RCHY1: variants seen among roughly 807,000 people sequenced by gnomAD.
RCHY1 encodes the protein RING finger and CHY zinc finger domain-containing protein 1.
Under a neutral mutation model 41.6 loss-of-function variants are expected in RCHY1, and 21 were observed. That is an observed-to-expected ratio of 0.51 (90% confidence interval 0.36 to 0.73). RCHY1 has a LOEUF of 0.73. Ranked by LOEUF, RCHY1 falls within the 30% of genes least tolerant of loss-of-function variation. The pLI is 0.00. For synonymous variants in RCHY1, 79 were observed against 102.9 expected, an observed-to-expected ratio of 0.77 and a Z score of 1.41; for missense variants, 265 against 325.3, an observed-to-expected ratio of 0.81 and a Z score of 1.43.
intron 1 of RCHY1, 174 bp downstream of exon 1, chr4:75,514,023 G>A (rs1217580949): frequency 1.1e-5 from 11 of 960,428 alleles, no homozygotes; most frequent in Admixed American, 5.9e-5. Flanking sequence ...GGAAAGGTGG[G>A]GCTTATCGCC....
rs1553917624 is a variant in RCHY1 at position 75,487,667 on chromosome 4, C to CATAAT, written c.657+2913_657+2914insATTAT. Among the ~76,000 whole-genome samples the CATAAT allele has an allele frequency of 5.2e-5, 2 of 38,456 alleles. 1 individual carries two copies. Among genetic ancestry groups the CATAAT allele is most frequent in the African/African-American group, 3.0e-4 (2 of 6,606 alleles). 25.2% of individuals were successfully genotyped at this position (38,456 alleles called of 152,430 possible). Reference sequence around the variant, plus strand: ...CATATATATTCATAATATATATATTCATATATATTCATAATATATATATTC... The same window carrying CATAAT: ...CATATATATTCATAATATATATATTCATAATATATATATTCATAATATATATATTC... On this transcript the variant is annotated intron_variant, in intron 8 of 8. Transcript: ENST00000324439.
At chr4:75,487,300 AAAG>A (rs2148713199) in intron 8 of RCHY1, among the ~76,000 whole-genome samples, 1 of 151,352 alleles carries the variant, frequency 6.6e-6, no homozygotes, top group Non-Finnish European at 1.5e-5. Flanking sequence ...CAAACAATAA[AAAG>A]AGGAGACAAG....
At chr4:75,509,467 T>A in intron 1 of RCHY1, 171 bp from the exon 2 acceptor site, 2 of 567,830 alleles carry the variant, frequency 3.5e-6, no homozygotes, top group Admixed American at 6.3e-5. Flanking sequence ...TCTTGGCATA[T>A]TTTATGTTAA....
chr4:75,514,475 A>T (rs1578252274), upstream of RCHY1: 1 of 570,460 alleles, frequency 1.8e-6, no homozygotes. Context: ...GCGAAGGCAG[A>T]CGCAGTCTCC....
chr4:75,506,118 G>T (rs1262743032), intron 3 of RCHY1, among the ~76,000 whole-genome samples: 1 of 97,924 alleles, frequency 1.0e-5, no homozygotes, highest in Non-Finnish European at 2.2e-5. Context: ...AAAAAAAATA[G>T]AACAGGACAT....
chr4:75,505,884 T>C (rs181739898), intron 3 of RCHY1, among the ~76,000 whole-genome samples: 1 of 152,252 alleles, frequency 6.6e-6, no homozygotes, highest in East Asian at 1.9e-4. Context: ...GGGAGATTTT[T>C]AGACCCTAAA....
chr4:75,509,072 T>C, intron 2 of RCHY1, 105 bp downstream of exon 2: 1 of 1,257,754 alleles, frequency 8.0e-7, no homozygotes. Context: ...ATATTGCTTA[T>C]TCTAGAAGTT....
Position 75,481,806 on chromosome 4 carries a change from G to A in RCHY1, c.*732C>T, listed in dbSNP as rs1045057363. 6.6e-6 allele frequency: 1 copy of A among 151,856 alleles called. No individual in the cohort carries two copies. Among genetic ancestry groups the A allele is most frequent in the Non-Finnish European group, 1.5e-5 (1 of 67,976 alleles). 9.4% of individuals were successfully genotyped at this position (151,856 alleles called of 1,614,324 possible). On this transcript the variant is annotated 3_prime_UTR_variant, in exon 9 of 9. Coordinates refer to ENST00000324439, the MANE Select transcript of RCHY1 (RefSeq NM_015436.4). ...ATGACTCTTTGAAGAAATAATTTTGGGCAACCTAAAAAAAACTGTTTTCAA... is the reference window on the plus strand; with the variant it reads ...ATGACTCTTTGAAGAAATAATTTTGAGCAACCTAAAAAAAACTGTTTTCAA...
chr4:75,496,232 CAG>C (rs1723192100), intron 3 of RCHY1, among the ~76,000 whole-genome samples: 1 of 152,066 alleles, frequency 6.6e-6, no homozygotes, highest in Non-Finnish European at 1.5e-5. Context: ...GGCAACAACA[CAG>C]AGTGATCTGT....
intron 4 of RCHY1, among the ~76,000 whole-genome samples, chr4:75,492,442 T>C (rs370839561): frequency 2.3e-4 from 35 of 151,980 alleles, no homozygotes; most frequent in African/African-American, 8.0e-4. Context: ...ATTTTACAGT[T>C]AAAGCAGTGG....
intron 3 of RCHY1, among the ~76,000 whole-genome samples, chr4:75,506,116 T>C (rs115416558): frequency 2.5e-5 from 2 of 79,538 alleles, no homozygotes; most frequent in East Asian, 3.5e-4. Flanking sequence ...AAAAAAAAAA[T>C]AGAACAGGAC....
chr4:75,495,314 T>A (rs964385292), intron 3 of RCHY1, among the ~76,000 whole-genome samples: 1 of 151,970 alleles, frequency 6.6e-6, no homozygotes, highest in East Asian at 1.9e-4. Flanking sequence ...TACTTACAGC[T>A]TTTCATTTTT....
intron 1 of RCHY1, among the ~76,000 whole-genome samples, chr4:75,510,466 G>C (rs1724758401): frequency 6.6e-6 from 1 of 152,140 alleles, no homozygotes; most frequent in Non-Finnish European, 1.5e-5. Flanking sequence ...ACTCATTTCT[G>C]AAGGCTTCCT....
rs776706014 is a variant in RCHY1, at chr4:75,485,963, GTT to G, written c.658-3299_658-3298del. 8.5e-4 allele frequency among the ~76,000 whole-genome samples: 130 copies of G among 152,206 alleles called. 2 individuals carry two copies. The highest frequency in any genetic ancestry group is 1.5e-3 in the East Asian group (8 of 5,176). ...TGATTTGACTGTGAGCTTGTTTTGG[GTT>G]TTGAACCTCTAGATTCTCAAGTCTG... On this transcript the variant is annotated intron_variant, in intron 8 of 8. Transcript: ENST00000324439.
intron 1 of RCHY1, 118 bp downstream of exon 1, chr4:75,514,079 A>C: frequency 1.4e-6 from 2 of 1,475,240 alleles, no homozygotes; most frequent in Non-Finnish European, 1.8e-6. Flanking sequence ...CCAGGTGGAA[A>C]AGGTATCCTG....
chr4:75,498,935 C>T (rs138246901), intron 3 of RCHY1, among the ~76,000 whole-genome samples: 1,914 of 152,090 alleles, frequency 0.013, 23 homozygotes, highest in Middle Eastern at 0.027. Context: ...CAAAAACAGA[C>T]GGAATTACAT....
At chr4:75,497,195 C>T (rs1355322132) in intron 3 of RCHY1, among the ~76,000 whole-genome samples, 1 of 152,120 alleles carries the variant, frequency 6.6e-6, no homozygotes, top group Non-Finnish European at 1.5e-5. Flanking sequence ...CATGAGTAAG[C>T]TGTGAGACAA....
At chr4:75,494,533 A>AC in intron 3 of RCHY1, 1 of 191,598 alleles carries the variant, frequency 5.2e-6, no homozygotes, top group Non-Finnish European at 1.1e-5. Context: ...ATGTCTGTCT[A>AC]CACAGAACCA....
intron 3 of RCHY1, among the ~76,000 whole-genome samples, chr4:75,501,103 G>A (rs750290438): frequency 6.6e-6 from 1 of 152,066 alleles, no homozygotes; most frequent in Non-Finnish European, 1.5e-5. Flanking sequence ...TCCCGCCCAC[G>A]GGTTCAAGCA....
Sources: allele counts gnomAD v4.1 joint callset (sites outside exome capture counted in the v4.1 genomes callset), GRCh38; gene constraint gnomAD v4.1.1; transcripts MANE v1.5; gene names NCBI Gene and HGNC (gene_info 2026-07-23, HGNC 2026-07-21).